Variants in SPMIP11 observed in about 807,000 individuals in gnomAD.
The protein encoded by SPMIP11 is long intergenic non-protein coding RNA 935.
the SPMIP11 span, among the ~76,000 whole-genome samples, chr12:48,742,537 C>T: frequency 2.6e-5 from 4 of 151,992 alleles, no homozygotes; most frequent in Admixed American, 6.6e-5. Flanking sequence ...ACCTCAGCCT[C>T]CCAAGGTGCT....
the SPMIP11 span, among the ~76,000 whole-genome samples, chr12:48,737,499 C>T: frequency 2.3e-4 from 35 of 150,652 alleles, no homozygotes; most frequent in African/African-American, 3.2e-4. Flanking sequence ...ACAACAATGT[C>T]CGCCTCCTGG....
the SPMIP11 span, among the ~76,000 whole-genome samples, chr12:48,752,860 C>T: frequency 1.3e-5 from 2 of 151,780 alleles, no homozygotes; most frequent in African/African-American, 2.4e-5. Flanking sequence ...TTAGTAGAGA[C>T]GGGATTTCAT....
At chr12:48,736,195 G>T in the SPMIP11 span, 1 of 383,004 alleles carries the variant, frequency 2.6e-6, no homozygotes, top group Admixed American at 3.6e-5. Context: ...CTTGAGCCCA[G>T]GAATTAGAGA....
the SPMIP11 span, among the ~76,000 whole-genome samples, chr12:48,741,693 G>C: frequency 1.4e-5 from 2 of 146,166 alleles, no homozygotes; most frequent in African/African-American, 5.1e-5. Flanking sequence ...GCTCAGGCTT[G>C]AGTGCAGTGG....
At chr12:48,756,148 G>A in the SPMIP11 span, among the ~76,000 whole-genome samples, 1 of 152,114 alleles carries the variant, frequency 6.6e-6, no homozygotes, top group African/African-American at 2.4e-5. Context: ...CTCCCAAAGT[G>A]CTGGGATTAC....
At chr12:48,766,481 CTACT>C in the SPMIP11 span, 1 of 152,696 alleles carries the variant, frequency 6.5e-6, no homozygotes, top group African/African-American at 2.4e-5. Flanking sequence ...CCACTCTGAT[CTACT>C]TATACCCTCA....
the SPMIP11 span, among the ~76,000 whole-genome samples, chr12:48,751,110 T>C: frequency 2.0e-5 from 3 of 152,040 alleles, no homozygotes; most frequent in African/African-American, 7.2e-5. Context: ...TGGGTGTGAG[T>C]GTATTAACAT....
the SPMIP11 span, among the ~76,000 whole-genome samples, chr12:48,731,211 G>A: frequency 7.2e-5 from 11 of 152,088 alleles, no homozygotes; most frequent in African/African-American, 1.7e-4. Context: ...AATTACTCAC[G>A]GCCGGGCACG....
the SPMIP11 span, chr12:48,765,759 G>T: frequency 1.1e-4 from 77 of 689,352 alleles, no homozygotes; most frequent in Middle Eastern, 6.0e-4. Context: ...AGGAGGAGAT[G>T]GAGAAAGCAC....
chr12:48,757,234 G>T, the SPMIP11 span, among the ~76,000 whole-genome samples: 1 of 151,800 alleles, frequency 6.6e-6, no homozygotes, highest in African/African-American at 2.4e-5. Context: ...CCCTCACCAA[G>T]TCTTGCTCTT....
At chr12:48,768,813 C>T in the SPMIP11 span, 21 of 1,557,362 alleles carry the variant, frequency 1.3e-5, no homozygotes, top group African/African-American at 1.1e-4. Context: ...TCCCTTCCCC[C>T]AGTCCCTGCC....
the SPMIP11 span, among the ~76,000 whole-genome samples, chr12:48,735,075 G>A: frequency 2.0e-5 from 3 of 151,142 alleles, no homozygotes; most frequent in South Asian, 2.1e-4. Context: ...GAATGCAAGC[G>A]GCCTTTAGGA....
the SPMIP11 span, among the ~76,000 whole-genome samples, chr12:48,756,879 C>T: frequency 6.7e-6 from 1 of 150,144 alleles, no homozygotes; most frequent in African/African-American, 2.5e-5. Context: ...GGGATTCAAG[C>T]GATTCTCTTC....
At chr12:48,736,432 A>G in the SPMIP11 span, among the ~76,000 whole-genome samples, 2 of 151,584 alleles carry the variant, frequency 1.3e-5, no homozygotes, top group Admixed American at 6.6e-5. Context: ...AAAAAAAAAA[A>G]AAAGAATTGC....
the SPMIP11 span, among the ~76,000 whole-genome samples, chr12:48,752,767 GT>G: frequency 6.6e-6 from 1 of 150,816 alleles, no homozygotes. Context: ...CGCCTCCCGG[GT>G]TCAAGCGATT....
chr12:48,765,665 G>A, the SPMIP11 span: 1 of 702,940 alleles, frequency 1.4e-6, no homozygotes, highest in Non-Finnish European at 2.6e-6. Flanking sequence ...AGAAGATATG[G>A]CTGCAGAAAG....
At chr12:48,768,436 C>G in the SPMIP11 span, 1 of 1,090,078 alleles carries the variant, frequency 9.2e-7, no homozygotes, top group Non-Finnish European at 1.3e-6. Flanking sequence ...TGAGGGCAGA[C>G]GAGCATGATC....
the SPMIP11 span, chr12:48,769,097 C>A: frequency 6.4e-7 from 1 of 1,568,572 alleles, no homozygotes; most frequent in Non-Finnish European, 8.7e-7. Context: ...CTAGTGGATG[C>A]TCCAGGGTAA....
the SPMIP11 span, among the ~76,000 whole-genome samples, chr12:48,742,515 C>T: frequency 1.1e-4 from 16 of 151,898 alleles, no homozygotes; most frequent in South Asian, 3.1e-3. Context: ...CTCCTGACCT[C>T]GTGATCTGCC....
Sources: allele counts gnomAD v4.1 joint callset (sites outside exome capture counted in the v4.1 genomes callset), GRCh38; gene constraint gnomAD v4.1.1; transcripts MANE v1.5; gene names NCBI Gene and HGNC (gene_info 2026-07-23, HGNC 2026-07-21).